The following WDR70 variants were observed in gnomAD, a reference collection of about 807,000 sequenced individuals.
WDR70 encodes the protein WD repeat domain 70.
In WDR70, 53 loss-of-function variants were observed where a neutral mutation model predicts 88.6. The observed-to-expected ratio is 0.60, with a 90% CI of 0.48 to 0.75. The LOEUF (loss-of-function observed/expected upper bound fraction) is 0.75, where lower values mean the gene tolerates loss of function less well. Among genes scored for constraint, WDR70 ranks in the 30% least tolerant of loss-of-function variants. WDR70 has a pLI of 0.00. For synonymous variants in WDR70, 280 were observed against 270.0 expected, an observed-to-expected ratio of 1.04 and a Z score of -0.36; for missense variants, 610 against 823.2, an observed-to-expected ratio of 0.74 and a Z score of 3.17.
intron 9 of WDR70, among the ~76,000 whole-genome samples, chr5:37,593,383 A>G (rs1470508069): frequency 6.6e-6 from 1 of 151,904 alleles, no homozygotes; most frequent in Non-Finnish European, 1.5e-5. Flanking sequence ...CCCACCTATG[A>G]GTGAGAACAT....
chr5:37,563,984 C>A (rs1324544926), intron 9 of WDR70, among the ~76,000 whole-genome samples: 1 of 147,254 alleles, frequency 6.8e-6, no homozygotes, highest in East Asian at 2.0e-4. Flanking sequence ...CTGGCAGAGA[C>A]GCTCCTCACT....
chr5:37,392,448 T>C (rs1748864528), intron 4 of WDR70, among the ~76,000 whole-genome samples: 1 of 151,942 alleles, frequency 6.6e-6, no homozygotes, highest in Non-Finnish European at 1.5e-5. Flanking sequence ...CCTCCCAAAG[T>C]GCTGGGATTA....
chr5:37,423,011 G>A (rs1173666423), intron 5 of WDR70, among the ~76,000 whole-genome samples: 1 of 152,078 alleles, frequency 6.6e-6, no homozygotes, highest in Non-Finnish European at 1.5e-5. Context: ...AGCCATTGAA[G>A]GTTTTTGATG....
chr5:37,399,656 A>G (rs1749137097), intron 5 of WDR70, among the ~76,000 whole-genome samples: 1 of 152,176 alleles, frequency 6.6e-6, no homozygotes, highest in South Asian at 2.1e-4. Context: ...TTTGGCATCC[A>G]TAGAAAACAG....
At chr5:37,717,725 G>A (rs532811013) in intron 13 of WDR70, among the ~76,000 whole-genome samples, 72 of 152,270 alleles carry the variant, frequency 4.7e-4, no homozygotes, top group African/African-American at 1.6e-3. Flanking sequence ...CAGCCCTGCC[G>A]CAGTCTCAGG....
chr5:37,587,109 T>G (rs917575582), intron 9 of WDR70, among the ~76,000 whole-genome samples: 3 of 152,114 alleles, frequency 2.0e-5, no homozygotes, highest in Admixed American at 6.5e-5. Flanking sequence ...TACAGACTTG[T>G]CCCCTCTGGT....
At chr5:37,478,751 C>G (rs1247125280) in intron 7 of WDR70, among the ~76,000 whole-genome samples, 1 of 152,122 alleles carries the variant, frequency 6.6e-6, no homozygotes, top group Admixed American at 6.6e-5. Context: ...AATAGCATAA[C>G]CTTTGGTGAG....
chr5:37,605,519 T>TA (rs908842407), intron 10 of WDR70, among the ~76,000 whole-genome samples: 7 of 125,608 alleles, frequency 5.6e-5, no homozygotes, highest in Non-Finnish European at 8.9e-5. Flanking sequence ...CAGCTTATTA[T>TA]ATGGCATCTC....
In WDR70 at chr5:37,491,731, C is replaced by T. The variant is rs185806942; in HGVS notation, c.840+11744C>T. On this transcript the variant is annotated intron_variant, in intron 8 of 17. Transcript: ENST00000265107. ...ATGTCTTTTTACTGGTGAATACTTT[C>T]TCTTAAGAACTTAAAATATTTAATT... Among the ~76,000 whole-genome samples the T allele has an allele frequency of 1.6e-3, 238 of 152,176 alleles. 2 individuals are homozygous for T. Among genetic ancestry groups the T allele is most frequent in the African/African-American group, 5.5e-3 (230 of 41,526 alleles).
In WDR70 at chr5:37,439,155, T is replaced by C. The variant is rs1750574639; in HGVS notation, c.552+1174T>C. Among the ~76,000 whole-genome samples, 3 of 152,024 alleles carry C rather than the reference T, an allele frequency of 2.0e-5. No individual in the cohort carries two copies. The South Asian group carries it at 6.2e-4, about 32-fold the overall frequency. On this transcript the variant is annotated intron_variant, in intron 6 of 17. Transcript: ENST00000265107. ...GGATGGTCTCGATCTGCTGACCTCA[T>C]GATCTTCCTGCCTCGGCCTCCCAAA...
At chr5:37,384,660 C>CA (rs70978807) in intron 3 of WDR70, among the ~76,000 whole-genome samples, 38,469 of 59,398 alleles carry the variant, frequency 0.65, 13,528 homozygotes, top group Non-Finnish European at 0.67. Flanking sequence ...ACTCTTGTCT[C>CA]AAAAAAAAAA....
chr5:37,519,329 C>G (rs958052093), intron 9 of WDR70, among the ~76,000 whole-genome samples: 4 of 150,574 alleles, frequency 2.7e-5, no homozygotes, highest in Non-Finnish European at 5.9e-5. Flanking sequence ...CAGAGGCGCT[C>G]CTCACTTCCC....
At chr5:37,533,114 C>T (rs1349807017) in intron 9 of WDR70, among the ~76,000 whole-genome samples, 1 of 152,170 alleles carries the variant, frequency 6.6e-6, no homozygotes, top group Admixed American at 6.5e-5. Context: ...TGATATGATT[C>T]ATCTTCAGGT....
intron 9 of WDR70, among the ~76,000 whole-genome samples, chr5:37,575,953 G>T (rs1743037582): frequency 1.3e-5 from 2 of 152,130 alleles, no homozygotes; most frequent in South Asian, 4.1e-4. Flanking sequence ...GTTGGTATCT[G>T]CTGGATAATT....
chr5:37,591,772 A>G (rs930538867), intron 9 of WDR70, among the ~76,000 whole-genome samples: 1 of 152,238 alleles, frequency 6.6e-6, no homozygotes, highest in Admixed American at 6.5e-5. Flanking sequence ...TGAAACAAAA[A>G]TCCTTAACGA....
At chr5:37,692,583 T>C (rs1746832405) in intron 10 of WDR70, among the ~76,000 whole-genome samples, 1 of 152,096 alleles carries the variant, frequency 6.6e-6, no homozygotes, top group Non-Finnish European at 1.5e-5. Context: ...ATAAATGTAA[T>C]CCCTCACATA....
intron 9 of WDR70, among the ~76,000 whole-genome samples, chr5:37,523,256 C>G (rs1464068783): frequency 1.3e-5 from 2 of 152,248 alleles, no homozygotes; most frequent in East Asian, 3.8e-4. Context: ...ACAACCCACA[C>G]AGCTGGGTAC....
chr5:37,527,780 T>G (rs1208567647), intron 9 of WDR70, among the ~76,000 whole-genome samples: 1 of 151,876 alleles, frequency 6.6e-6, no homozygotes, highest in Non-Finnish European at 1.5e-5. Context: ...TCAAAGAAAC[T>G]TACAAGAAAA....
chr5:37,743,803 C>T (rs906781636), intron 17 of WDR70, among the ~76,000 whole-genome samples: 7 of 152,306 alleles, frequency 4.6e-5, no homozygotes, highest in Admixed American at 2.6e-4. Flanking sequence ...GAGGGGTGGC[C>T]TTAGTCTTTG....
Sources: gnomAD v4.1 joint callset for allele counts (sites outside exome capture counted in the v4.1 genomes callset) on GRCh38, gnomAD v4.1.1 for gene constraint, MANE v1.5 for transcripts, NCBI Gene and HGNC (gene_info 2026-07-23, HGNC 2026-07-21) for gene names.